Variants in MS4A6E observed in about 807,000 individuals in gnomAD.
MS4A6E encodes membrane-spanning 4-domains subfamily A member 6E.
Under a neutral mutation model 13.2 loss-of-function variants are expected in MS4A6E, and 8 were observed. The ratio of observed to expected loss-of-function variants is 0.60; its 90% confidence interval spans 0.35 to 1.09. MS4A6E has a LOEUF of 1.09. Among genes scored for constraint, MS4A6E ranks in the 50% least tolerant of loss-of-function variants. The pLI is 0.02. For synonymous variants in MS4A6E, 72 were observed against 67.6 expected (o/e 1.06, Z -0.32); for missense variants, 177 against 171.1 (o/e 1.03, Z -0.19).
intron 3 of MS4A6E, among the ~76,000 whole-genome samples, chr11:60,339,045 C>T (rs2085207012): frequency 6.6e-6 from 1 of 152,174 alleles, no homozygotes; most frequent in Non-Finnish European, 1.5e-5. Context: ...CTTGCTGGAA[C>T]AATTTCTAGG....
intron 1 of MS4A6E, among the ~76,000 whole-genome samples, chr11:60,333,280 A>G (rs559651650): frequency 6.6e-6 from 1 of 152,260 alleles, no homozygotes; most frequent in South Asian, 2.1e-4. Context: ...AGACTTTCTT[A>G]GTACTTTTCT....
intron 3 of MS4A6E, 84 bp downstream of exon 3, chr11:60,338,031 T>A: frequency 7.1e-7 from 1 of 1,404,012 alleles, no homozygotes; most frequent in Non-Finnish European, 9.8e-7. Context: ...TTTGAAAATC[T>A]CTCTGTTAAT....
chr11:60,336,902 C>T (rs1194297909), intron 2 of MS4A6E, among the ~76,000 whole-genome samples: 5 of 152,170 alleles, frequency 3.3e-5, no homozygotes, highest in Non-Finnish European at 7.3e-5. Flanking sequence ...ATTTCCTCCA[C>T]TTCATAAATG....
At chr11:60,328,526 T>TACACACAC (rs35996897) in intron 1 of MS4A6E, among the ~76,000 whole-genome samples, 6 of 145,724 alleles carry the variant, frequency 4.1e-5, no homozygotes, top group Admixed American at 3.4e-4. Context: ...AACTGTGAGA[T>TACACACAC]ACACACACAC....
chr11:60,340,501 G>A (rs1251622946), intron 4 of MS4A6E, among the ~76,000 whole-genome samples: 3 of 152,090 alleles, frequency 2.0e-5, no homozygotes, highest in Admixed American at 2.0e-4. Flanking sequence ...CAAATTCCAA[G>A]GGATACCACC....
chr11:60,345,705 A>G (rs1334889236), downstream of MS4A6E, among the ~76,000 whole-genome samples: 1 of 152,226 alleles, frequency 6.6e-6, no homozygotes, highest in Non-Finnish European at 1.5e-5. Context: ...GCTGGCTGTT[A>G]GCCAAAGGCT....
intron 1 of MS4A6E, among the ~76,000 whole-genome samples, chr11:60,332,150 T>TTAAGACAAAGTGAA (rs1373853137): frequency 2.0e-5 from 3 of 152,244 alleles, no homozygotes; most frequent in Non-Finnish European, 4.4e-5. Context: ...TCTTATGCTT[T>TTAAGACAAAGTGAA]TAAGACAAAG....
At chr11:60,341,507 A>G (rs2085225655), downstream of MS4A6E, among the ~76,000 whole-genome samples, 1 of 152,190 alleles carries the variant, frequency 6.6e-6, no homozygotes, top group Admixed American at 6.5e-5. Context: ...AGAGACAACC[A>G]GTTCATACTT....
chr11:60,342,203 G>T (rs201043810), downstream of MS4A6E, among the ~76,000 whole-genome samples: 5 of 96,914 alleles, frequency 5.2e-5, no homozygotes, highest in East Asian at 3.4e-4. Context: ...GAGAGAGAGG[G>T]GGGGGGAGAG....
chr11:60,335,321 G>A (rs1440491539), intron 2 of MS4A6E, among the ~76,000 whole-genome samples: 1 of 152,136 alleles, frequency 6.6e-6, no homozygotes, highest in Non-Finnish European at 1.5e-5. Flanking sequence ...TTTTACGAAA[G>A]TAATGGTGGT....
rs140696222 is a variant in MS4A6E, at chr11:60,337,840, T to C, written c.247T>C (p.Leu83=). ...CCCGGCTGCATTAAATCCTGCCTCA[T>C]TGCAGTGTAAGTTGGACGAAAAGGA... ...VNPAALNPAS[L]QCKLDEKDIP... is the part of the protein sequence containing the mutation. Residue 83 remains leucine (L), a synonymous_variant, in exon 3 of 5, where the codon TTG becomes CTG. Coordinates refer to ENST00000684409, the MANE Select transcript of MS4A6E (RefSeq NM_139249.4). The C allele has an allele frequency of 4.5e-4, 726 of 1,614,196 alleles. 9 individuals carry two copies. The East Asian group carries it at 9.1e-3, about 20-fold the overall frequency.
chr11:60,337,919 A>T lies in MS4A6E; in HGVS notation c.326A>T (p.Asp109Val). 6.2e-7 allele frequency: 1 copy of T among 1,614,220 alleles called. No homozygotes were observed. The highest frequency in any genetic ancestry group is 1.1e-5 in the South Asian group (1 of 91,072). The change falls in exon 3 of 5, where the codon GAC becomes GTC. Residue 109 changes from aspartate to valine, a missense_variant. Asp to Val is a radical substitution (Grantham distance 152, BLOSUM62 -3). Coordinates refer to ENST00000684409, the MANE Select transcript of MS4A6E (RefSeq NM_139249.4). Reference protein sequence around the residue: ...SYDYHSPYTMDCHRAKASLAG... With the variant: ...SYDYHSPYTMVCHRAKASLAG... Reference sequence around the variant, plus strand: ...GATTATCATTCACCTTACACCATGGACTGCCATAGAGCCAAAGCCAGTCTG... The same window carrying T: ...GATTATCATTCACCTTACACCATGGTCTGCCATAGAGCCAAAGCCAGTCTG...
downstream of MS4A6E, among the ~76,000 whole-genome samples, chr11:60,343,905 G>A (rs536071913): frequency 6.6e-6 from 1 of 152,208 alleles, no homozygotes; most frequent in South Asian, 2.1e-4. Context: ...TGCTGAGGGG[G>A]TTGAAAGAAC....
chr11:60,337,034 C>T (rs2085192227), intron 2 of MS4A6E, among the ~76,000 whole-genome samples: 2 of 152,108 alleles, frequency 1.3e-5, no homozygotes, highest in Admixed American at 1.3e-4. Context: ...TTATTCTGTA[C>T]CTCCCGCTGC....
rs1366107641 is a variant in MS4A6E, at chr11:60,327,391, C to A, written c.-32C>A. 6.6e-6 allele frequency among the ~76,000 whole-genome samples: 1 copy of A among 152,214 alleles called. No individual in the cohort carries two copies. The highest frequency in any genetic ancestry group is 1.5e-5 in the Non-Finnish European group (1 of 68,040). ...GAACCTGTGGCACCTTGATCGTGGA[C>A]TTCTCAGTTCCAAAACTGTGAGAAA... On this transcript the variant is annotated 5_prime_UTR_variant, in exon 1 of 5. Coordinates refer to ENST00000684409, the MANE Select transcript of MS4A6E (RefSeq NM_139249.4).
At chr11:60,335,232 T>C (rs1376749069) in intron 2 of MS4A6E, among the ~76,000 whole-genome samples, 190 bp downstream of exon 2, 1 of 152,222 alleles carries the variant, frequency 6.6e-6, no homozygotes. Context: ...AAACGTTTTT[T>C]CCCTTATTCT....
chr11:60,330,185 T>C (rs2085145491), intron 1 of MS4A6E, among the ~76,000 whole-genome samples: 1 of 150,346 alleles, frequency 6.7e-6, no homozygotes. Flanking sequence ...TTTAAGTTCC[T>C]TGTAGATTCT....
chr11:60,327,747 G>A (rs902207206), intron 1 of MS4A6E, among the ~76,000 whole-genome samples: 22 of 152,210 alleles, frequency 1.4e-4, no homozygotes, highest in Admixed American at 7.9e-4. Flanking sequence ...ACTGGAGGGG[G>A]CCAGGCGCAG....
chr11:60,344,359 C>A (rs1008501497), downstream of MS4A6E, among the ~76,000 whole-genome samples: 1 of 152,204 alleles, frequency 6.6e-6, no homozygotes, highest in Non-Finnish European at 1.5e-5. Context: ...GTCTGTCTGC[C>A]AGTCCTCCCC....
Sources: allele counts gnomAD v4.1 joint callset (sites outside exome capture counted in the v4.1 genomes callset), GRCh38; gene constraint gnomAD v4.1.1; transcripts MANE v1.5; gene names NCBI Gene and HGNC (gene_info 2026-07-23, HGNC 2026-07-21).